The following IFT172 variants were observed in gnomAD, a reference collection of about 807,000 sequenced individuals.
IFT172 encodes intraflagellar transport protein 172 homolog.
A neutral mutation model predicts 248.9 loss-of-function variants in IFT172; 164 were observed. That is an observed-to-expected ratio of 0.66 (90% CI 0.58 to 0.75). IFT172 has a LOEUF of 0.75. Ranked by LOEUF, IFT172 falls within the 30% of genes least tolerant of loss-of-function variation. The probability of loss-of-function intolerance (pLI) is 0.00; values close to 1 mark genes in which losing one functional copy is unlikely to be tolerated. For synonymous variants in IFT172, 729 were observed against 791.6 expected (o/e 0.92, Z 1.33); for missense variants, 1,950 against 2,192.4 (o/e 0.89, Z 2.21).
Position 27,483,629 on chromosome 2 carries a change from AT to A in IFT172, c.432del (p.Lys144AsnfsTer15). 1 of 1,614,158 alleles carries A rather than the reference AT, an allele frequency of 6.2e-7. No homozygotes were observed. Among genetic ancestry groups the A allele is most frequent in the Non-Finnish European group, 8.5e-7 (1 of 1,180,024 alleles). On this transcript the variant is annotated frameshift_variant, in exon 6 of 48. Transcript: ENST00000260570. LOFTEE classifies it high-confidence loss of function. ...KVRLANTKTN[K>X]SSTIYGTESY... ...GACTCTGTCCCATAGATGGTAGATG[AT>A]TTATTAGTTTTGGTGTTTGCTAAAC... is the stretch of plus-strand genomic sequence containing the variant.
At chr2:27,459,099 AT>A in intron 25 of IFT172, 1 of 619,234 alleles carries the variant, frequency 1.6e-6, no homozygotes, top group Non-Finnish European at 2.7e-6. Flanking sequence ...ATGCAAAGCA[AT>A]TTTATATCAT....
At chr2:27,486,203 C>T (rs1668757012) in intron 1 of IFT172, 1 of 167,060 alleles carries the variant, frequency 6.0e-6, no homozygotes, top group Admixed American at 6.5e-5. Context: ...AAAAACAGGC[C>T]AGCTCAGGAA....
chr2:27,471,945 G>A (rs573607561), intron 15 of IFT172: 3 of 459,498 alleles, frequency 6.5e-6, no homozygotes, highest in East Asian at 6.8e-5. Context: ...GGCTGAGGCA[G>A]GAGAATCACT....
chr2:27,458,186 A>T lies in IFT172; in HGVS notation c.2915T>A (p.Val972Glu), dbSNP rs2148498608. Residue 972 changes from valine to glutamate, a missense_variant, in exon 27 of 48, where the codon GTG (valine) becomes GAG (glutamate). Transcript: ENST00000260570. ...TTCCTGGGCCTGAGTGATGTATAGC[A>T]CTGACACATCTTCTGGTCTCATGCA... ...MKCMRPEDVS[V>E]LYITQAQEME... 2.5e-6 allele frequency: 4 copies of T among 1,614,114 alleles called. No homozygotes were observed. The highest frequency in any genetic ancestry group is 3.4e-6 in the Non-Finnish European group (4 of 1,180,012).
Position 27,462,797 on chromosome 2 carries a change from T to TG in IFT172, c.2023-5dup, listed in dbSNP as rs762435260. On this transcript the variant is annotated splice_polypyrimidine_tract_variant and splice_region_variant and intron_variant, in intron 19 of 47. Transcript: ENST00000260570. ...AAAAGTCTGTTCCTTCTCCGCCCTG[T>TG]GGGGGAAAAAGGAGGTTCTGATTTT... 2 of 1,613,776 alleles carry TG rather than the reference T, an allele frequency of 1.2e-6. No individual in the cohort carries two copies. Among genetic ancestry groups the TG allele is most frequent in the South Asian group, 1.1e-5 (1 of 91,042 alleles).
intron 2 of IFT172, 78 bp downstream of exon 2, chr2:27,485,282 T>C: frequency 3.8e-6 from 6 of 1,599,378 alleles, no homozygotes; most frequent in Middle Eastern, 4.1e-4. Context: ...TGCTGATGGC[T>C]AGAAGGCAGA....
chr2:27,453,409 C>T lies in IFT172; in HGVS notation c.3926G>A (p.Gly1309Asp). The T allele has an allele frequency of 8.7e-6, 14 of 1,614,232 alleles. No individual in the cohort carries two copies. Among genetic ancestry groups the T allele is most frequent in the Non-Finnish European group, 1.2e-5 (14 of 1,180,046 alleles). Residue 1309 changes from glycine to aspartate, a missense_variant, in exon 35 of 48, where the codon GGC (glycine) becomes GAC (aspartate). Coordinates refer to ENST00000260570, the MANE Select transcript of IFT172 (RefSeq NM_015662.3). Reference sequence around the variant, plus strand: ...CTTCATCCAGCACTTCTCCGCCAGGCCGCTGTTTCCAGAGTCTCGCACTTT... The same window carrying T: ...CTTCATCCAGCACTTCTCCGCCAGGTCGCTGTTTCCAGAGTCTCGCACTTT... ...YLKVRDSGNSGLAEKCWMKAA... is the reference protein window; with the variant it reads ...YLKVRDSGNSDLAEKCWMKAA...
At chr2:27,463,275 G>C in intron 18 of IFT172, 94 bp from the exon 19 acceptor site, 1 of 1,185,156 alleles carries the variant, frequency 8.4e-7, no homozygotes, top group Non-Finnish European at 1.2e-6. Flanking sequence ...GTACATCTAT[G>C]ATGTGCCAGC....
chr2:27,465,616 C>A lies in IFT172; in HGVS notation c.1830-98G>T, dbSNP rs139218763. ...GGGCAAGGGGAGGGGGAAGGGCCAT[C>A]TTTGTCTCATCTCCTCCCAGGATCA... On this transcript the variant is annotated intron_variant, in intron 17 of 47. Transcript: ENST00000260570. 56,782 of 1,535,044 alleles carry A rather than the reference C, an allele frequency of 0.037. 1,215 individuals carry two copies. The highest frequency in any genetic ancestry group is 0.045 in the Admixed American group (2,693 of 59,684).
rs760768488 is a variant in IFT172, at chr2:27,454,056, C to T, written c.3637G>A (p.Glu1213Lys). 1.3e-5 allele frequency: 21 copies of T among 1,614,000 alleles called. No individual in the cohort carries two copies. Among genetic ancestry groups the T allele is most frequent in the Non-Finnish European group, 1.7e-5 (20 of 1,180,046 alleles). ...LVGQARGALEEKDFQKAEGLL... is the reference protein window; with the variant it reads ...LVGQARGALEKKDFQKAEGLL... ...CCTTCTGCTTTCTGAAAGTCCTTCT[C>T]CTCCAAGGCCCCCCGGGCCTGTCCC... Residue 1213 changes from glutamate to lysine, a missense_variant, in exon 33 of 48, where the codon GAG becomes AAG. Glu to Lys is a moderately conservative substitution (Grantham distance 56, BLOSUM62 1). Transcript: ENST00000260570. This position sits in a 1 kb window ranked among gnomAD's most constrained non-coding sequence, Gnocchi z 4.2.
intron 20 of IFT172, 119 bp from the exon 21 acceptor site, chr2:27,461,955 C>T (rs896033207): frequency 2.1e-6 from 2 of 949,746 alleles, no homozygotes; most frequent in Non-Finnish European, 3.3e-6. Flanking sequence ...CTTTTAACTA[C>T]TATACCAACA....
intron 34 of IFT172, 34 bp from the exon 35 acceptor site, chr2:27,453,547 T>C (rs1156326985): frequency 6.2e-7 from 1 of 1,611,710 alleles, no homozygotes; most frequent in African/African-American, 1.3e-5. Flanking sequence ...CTTGGCATGG[T>C]AGGGGGGCAG....
intron 40 of IFT172, 36 bp downstream of exon 40, chr2:27,448,879 T>C: frequency 2.0e-6 from 2 of 985,042 alleles, no homozygotes; most frequent in Non-Finnish European, 3.3e-6. Flanking sequence ...AAGAGCTTTC[T>C]TGTGGAAACA....
chr2:27,445,095 A>T lies in IFT172; in HGVS notation c.5079T>A (p.Ile1693=). 6.2e-7 allele frequency: 1 copy of T among 1,613,934 alleles called. No homozygotes were observed. Among genetic ancestry groups the T allele is most frequent in the Non-Finnish European group, 8.5e-7 (1 of 1,179,980 alleles). The change falls in exon 47 of 48, where the codon ATT becomes ATA. Residue 1693 remains isoleucine, a synonymous_variant. Transcript: ENST00000260570. The surrounding 1 kb of genome is among the most constrained non-coding windows in gnomAD (Gnocchi z 4.4). ...ALPCLITGYP[I]LRNKIEFKRP... ...GCTTAAATTCAATTTTGTTCCTCAG[A>T]ATGGGGTATCCTGTGGAGGAAGAAA...
intron 42 of IFT172, among the ~76,000 whole-genome samples, chr2:27,446,741 A>G (rs868721063): frequency 1.4e-3 from 165 of 118,840 alleles, no homozygotes; most frequent in African/African-American, 5.0e-3. Flanking sequence ...CGCCCAGGCC[A>G]GACTGCGGAC....
Position 27,462,763 on chromosome 2 carries a change from G to A in IFT172, c.2053C>T (p.Arg685Ter), listed in dbSNP as rs754435174. The change falls in exon 20 of 48, where the codon CGA (arginine) becomes TGA (stop). Residue 685 changes from arginine (R) to a stop codon, truncating the protein, a stop_gained. Transcript: ENST00000260570. LOFTEE classifies it high-confidence loss of function. ...TTTTCCAGCATGGCTAGACGTGCTC[G>A]GACCTGATAAAAGTCTGTTCCTTCT... ...GGEGTDFYQV[R>*]ARLAMLEKNY... The A allele has an allele frequency of 1.2e-5, 20 of 1,613,982 alleles. No homozygotes were observed. The South Asian group carries it at 1.3e-4, about 11-fold the overall frequency.
rs758342523 is a variant in IFT172, at chr2:27,472,235, A to C, written c.1524+15T>G. The stretch of plus-strand genomic sequence containing the variant: ...TGGGCCAGCCAATGCCTAAGGCCTT[A>C]GTAGCTCTTCTCACACGAAGTTTCC... On this transcript the variant is annotated intron_variant, in intron 15 of 47. Transcript: ENST00000260570. 5 of 1,591,038 alleles carry C rather than the reference A, an allele frequency of 3.1e-6. No individual in the cohort carries two copies. The African/African-American group carries it at 6.7e-5, about 21-fold the overall frequency.
At chr2:27,447,958 C>A (rs1665300734) in intron 40 of IFT172, 36 bp from the exon 41 acceptor site, 1 of 1,289,582 alleles carries the variant, frequency 7.8e-7, no homozygotes, top group Admixed American at 1.7e-5. Flanking sequence ...CTGAGAAGGG[C>A]ATAGCTAGAA....
chr2:27,445,002 C>G lies in IFT172; in HGVS notation c.5160+12G>C. On this transcript the variant is annotated intron_variant, in intron 47 of 47. Coordinates refer to ENST00000260570, the MANE Select transcript of IFT172 (RefSeq NM_015662.3). The surrounding 1 kb of genome is among the most constrained non-coding windows in gnomAD (Gnocchi z 4.4). Reference sequence around the variant, plus strand: ...CCTCTCTGCCTTCATTCTCCAAGTCCTCCTCTCTAACCTTGATGGCCATAA... The same window carrying G: ...CCTCTCTGCCTTCATTCTCCAAGTCGTCCTCTCTAACCTTGATGGCCATAA... 1 of 1,612,658 alleles carries G rather than the reference C, an allele frequency of 6.2e-7. No individual in the cohort carries two copies. Among genetic ancestry groups the G allele is most frequent in the Non-Finnish European group, 8.5e-7 (1 of 1,179,458 alleles).
Sources: gnomAD v4.1 joint callset for allele counts (sites outside exome capture counted in the v4.1 genomes callset) on GRCh38, gnomAD v4.1.1 for gene constraint, Gnocchi (gnomAD v3.1) non-coding constraint, MANE v1.5 for transcripts, NCBI Gene and HGNC (gene_info 2026-07-23, HGNC 2026-07-21) for gene names.